The following TGFBR3 variants were observed in gnomAD, a reference collection of about 807,000 sequenced individuals.
The protein encoded by TGFBR3 is transforming growth factor beta receptor type 3.
A neutral mutation model predicts 87.9 loss-of-function variants in TGFBR3; 46 were observed. The ratio of observed to expected loss-of-function variants is 0.52; its 90% confidence interval spans 0.41 to 0.67. The LOEUF (loss-of-function observed/expected upper bound fraction) is 0.67, where lower values mean the gene tolerates loss of function less well. TGFBR3 is among the 30% of genes least tolerant of loss of function. TGFBR3 has a pLI of 0.00. For missense variants in TGFBR3, 866 were observed against 1,041.9 expected (o/e 0.83, Z 2.32); for synonymous variants, 381 against 391.6 (o/e 0.97, Z 0.32).
chr1:91,832,369 A>AT (rs5776122), intron 2 of TGFBR3, among the ~76,000 whole-genome samples: 111,786 of 151,912 alleles, frequency 0.74, 42,120 homozygotes, highest in East Asian at 0.96. Flanking sequence ...TTAAATTTGC[A>AT]TTTTTTCCCC....
chr1:91,753,013 C>T (rs1339516278), intron 4 of TGFBR3, among the ~76,000 whole-genome samples: 1 of 149,784 alleles, frequency 6.7e-6, no homozygotes, highest in Non-Finnish European at 1.5e-5. Flanking sequence ...GGCTACAGAG[C>T]CAGACCCTCT....
intron 1 of TGFBR3, among the ~76,000 whole-genome samples, chr1:91,866,074 T>G (rs1678387380): frequency 6.6e-6 from 1 of 151,794 alleles, no homozygotes; most frequent in African/African-American, 2.4e-5. Flanking sequence ...CCCAACAGAG[T>G]GCACAGGTAA....
intron 7 of TGFBR3, among the ~76,000 whole-genome samples, chr1:91,725,130 A>G (rs540648232): frequency 1.3e-5 from 2 of 152,264 alleles, no homozygotes; most frequent in Admixed American, 1.3e-4. Context: ...TGGACAAGGC[A>G]ATGTAGACAC....
chr1:91,715,053 TAA>T (rs1672115660), intron 12 of TGFBR3, among the ~76,000 whole-genome samples: 1 of 152,178 alleles, frequency 6.6e-6, no homozygotes, highest in African/African-American at 2.4e-5. Context: ...TTTGACCCTT[TAA>T]GCTTCTCACC....
intron 12 of TGFBR3, among the ~76,000 whole-genome samples, chr1:91,715,979 C>T (rs1557672425): frequency 6.6e-6 from 1 of 150,514 alleles, no homozygotes; most frequent in Non-Finnish European, 1.5e-5. Context: ...GTAGAATTCA[C>T]ACTTGCCAAT....
intron 2 of TGFBR3, among the ~76,000 whole-genome samples, chr1:91,858,564 A>C (rs1442392282): frequency 7.1e-6 from 1 of 140,424 alleles, no homozygotes; most frequent in Non-Finnish European, 1.5e-5. Context: ...ACAATGAGCC[A>C]AGATTGTGCC....
intron 2 of TGFBR3, among the ~76,000 whole-genome samples, chr1:91,810,732 A>G (rs1455163376): frequency 1.3e-5 from 2 of 152,198 alleles, no homozygotes; most frequent in Non-Finnish European, 2.9e-5. Flanking sequence ...GCAGCTACTT[A>G]GCCATTCCCT....
intron 1 of TGFBR3, among the ~76,000 whole-genome samples, chr1:91,872,885 C>G (rs1678635220): frequency 6.6e-6 from 1 of 151,850 alleles, no homozygotes; most frequent in South Asian, 2.1e-4. Flanking sequence ...GGTCAGTGTT[C>G]TAGTCCAACG....
intron 4 of TGFBR3, among the ~76,000 whole-genome samples, chr1:91,752,322 G>A (rs1261055837): frequency 6.6e-6 from 1 of 152,036 alleles, no homozygotes; most frequent in East Asian, 1.9e-4. Context: ...ATTTTTATAT[G>A]CCAGCTCCAG....
At chr1:91,848,796 G>T (rs141352676) in intron 2 of TGFBR3, among the ~76,000 whole-genome samples, 1 of 152,074 alleles carries the variant, frequency 6.6e-6, no homozygotes, top group Non-Finnish European at 1.5e-5. Context: ...AACAAGACTT[G>T]GAAATCAGGA....
chr1:91,830,906 C>T (rs999668411), intron 2 of TGFBR3, among the ~76,000 whole-genome samples: 2 of 152,170 alleles, frequency 1.3e-5, no homozygotes, highest in Non-Finnish European at 2.9e-5. Context: ...CCCTGTCCCA[C>T]TTAGGTGGGA....
chr1:91,720,289 C>T, intron 8 of TGFBR3, 59 bp from the exon 9 acceptor site: 2 of 1,467,998 alleles, frequency 1.4e-6, no homozygotes, highest in Non-Finnish European at 1.9e-6. Flanking sequence ...CAACCAACAT[C>T]ATTACAGGCA....
chr1:91,848,853 T>C (rs1282417546), intron 2 of TGFBR3, among the ~76,000 whole-genome samples: 4 of 152,204 alleles, frequency 2.6e-5, no homozygotes, highest in Non-Finnish European at 4.4e-5. Flanking sequence ...AAGACGATGA[T>C]TTTTCAAGGA....
intron 15 of TGFBR3, among the ~76,000 whole-genome samples, chr1:91,697,662 A>G (rs938828854): frequency 5.9e-5 from 9 of 152,210 alleles, no homozygotes; most frequent in Non-Finnish European, 7.3e-5. Flanking sequence ...GATTGTCTTG[A>G]AAGTATAGCA....
In TGFBR3 at chr1:91,734,877, C is replaced by T. The variant is rs1319766587; in HGVS notation, c.467G>A (p.Gly156Glu). ...AETEERNFPH[G>E]NEHLLNWARK... ...GGCCCAATTTAACAGATGTTCATTTCCATGGGGGAAGTTCCTTTCTTCTGT... is the reference window on the plus strand; with the variant it reads ...GGCCCAATTTAACAGATGTTCATTTTCATGGGGGAAGTTCCTTTCTTCTGT... The change falls in exon 5 of 17, where the codon GGA (glycine) becomes GAA (glutamate). Residue 156 changes from glycine (G) to glutamate (E), a missense_variant. Transcript: ENST00000212355. 5 of 1,614,058 alleles carry T rather than the reference C, an allele frequency of 3.1e-6. No individual in the cohort carries two copies. The African/African-American group carries it at 6.7e-5, about 22-fold the overall frequency.
rs35919369 is a variant in TGFBR3 at position 91,698,513 on chromosome 1, C to CTT, written c.2288-385_2288-384dup. ...AATATTATTCTGCTTTCAAAATATT[C>CTT]TTTTTTTTTTTTTTTTTTTGAGGGT... On this transcript the variant is annotated intron_variant, in intron 14 of 16. Coordinates refer to ENST00000212355, the MANE Select transcript of TGFBR3 (RefSeq NM_003243.5). Among the ~76,000 whole-genome samples, 268 of 120,722 alleles carry CTT rather than the reference C, an allele frequency of 2.2e-3. 1 individual carries two copies. The highest frequency in any genetic ancestry group is 7.5e-3 in the African/African-American group (243 of 32,398). 79.2% of individuals were successfully genotyped at this position (120,722 alleles called of 152,430 possible).
chr1:91,712,180 A>T, intron 13 of TGFBR3, 63 bp downstream of exon 13: 1 of 1,508,870 alleles, frequency 6.6e-7, no homozygotes, highest in Non-Finnish European at 9.1e-7. Context: ...CCTTGGGATT[A>T]AACTTTTCTG....
chr1:91,819,180 C>T (rs1169665825), intron 2 of TGFBR3, among the ~76,000 whole-genome samples: 4 of 152,042 alleles, frequency 2.6e-5, no homozygotes, highest in Admixed American at 1.3e-4. Flanking sequence ...CCAGCCTGGC[C>T]AACATGGTGA....
chr1:91,814,098 T>C (rs962173896), intron 2 of TGFBR3, among the ~76,000 whole-genome samples: 1 of 152,214 alleles, frequency 6.6e-6, no homozygotes, highest in Non-Finnish European at 1.5e-5. Context: ...ACAATACCAT[T>C]TGCAGCTTTC....
Sources: allele counts gnomAD v4.1 joint callset (sites outside exome capture counted in the v4.1 genomes callset), GRCh38; gene constraint gnomAD v4.1.1; transcripts MANE v1.5; gene names NCBI Gene and HGNC (gene_info 2026-07-23, HGNC 2026-07-21).